Variants in OLFM1 observed in about 807,000 individuals in gnomAD.
OLFM1 encodes noelin.
In OLFM1, 9 loss-of-function variants were observed where a neutral mutation model predicts 49.7. That is an observed-to-expected ratio of 0.18 (90% CI 0.11 to 0.32). The LOEUF is 0.32. Among genes scored for constraint, OLFM1 ranks in the 10% least tolerant of loss-of-function variants. The pLI is 1.00. For synonymous variants in OLFM1, 240 were observed against 271.8 expected (o/e 0.88, Z 1.15); for missense variants, 369 against 661.8 (o/e 0.56, Z 4.85).
At chr9:135,087,224 G>A (rs907849507), upstream of OLFM1, 4 of 1,404,604 alleles carry the variant, frequency 2.8e-6, no homozygotes, top group Non-Finnish European at 2.8e-6. Flanking sequence ...CTGCCTGCTG[G>A]GTTTCAGGCG....
intron 5 of OLFM1, among the ~76,000 whole-genome samples, chr9:135,118,569 C>T (rs1383832652): frequency 4.1e-5 from 6 of 146,920 alleles, no homozygotes; most frequent in African/African-American, 1.5e-4. Context: ...GAAGTGCTCA[C>T]TGGGTCTTTG....
chr9:135,110,819 A>G (rs1469886692), intron 5 of OLFM1, among the ~76,000 whole-genome samples: 11 of 152,188 alleles, frequency 7.2e-5, no homozygotes, highest in Non-Finnish European at 1.6e-4. Context: ...CCAGCGGCCC[A>G]GGCTCCTTGA....
chr9:135,115,294 C>T (rs1831082450), intron 5 of OLFM1, among the ~76,000 whole-genome samples: 1 of 152,210 alleles, frequency 6.6e-6, no homozygotes, highest in South Asian at 2.1e-4. Flanking sequence ...CAGGTTGCAT[C>T]CTTCGGAAGA....
In OLFM1 at chr9:135,120,255, C is replaced by A; in HGVS notation, c.*77C>A. On this transcript the variant is annotated 3_prime_UTR_variant, in exon 6 of 6. Coordinates refer to ENST00000371793, the MANE Select transcript of OLFM1 (RefSeq NM_001282611.2). Reference sequence around the variant, plus strand: ...TGTGAAACTGCTGCCAAAAAGATACCAATAACACTAACAATACCGATCTTG... The same window carrying A: ...TGTGAAACTGCTGCCAAAAAGATACAAATAACACTAACAATACCGATCTTG... 3.3e-6 allele frequency: 4 copies of A among 1,223,064 alleles called. No homozygotes were observed. Among genetic ancestry groups the A allele is most frequent in the Non-Finnish European group, 4.6e-6 (4 of 869,882 alleles). 75.8% of individuals were successfully genotyped at this position (1,223,064 alleles called of 1,614,324 possible).
intron 1 of OLFM1, chr9:135,077,288 T>A: frequency 1.4e-6 from 2 of 1,443,414 alleles, no homozygotes; most frequent in Non-Finnish European, 1.8e-6. Flanking sequence ...AAGAGATGGC[T>A]GATTCTGGGT....
chr9:135,118,873 G>A (rs1294895337), intron 5 of OLFM1, among the ~76,000 whole-genome samples: 7 of 150,104 alleles, frequency 4.7e-5, no homozygotes, highest in African/African-American at 1.5e-4. Flanking sequence ...AGTGCTCACT[G>A]TGTCTTTGGA....
intron 4 of OLFM1, among the ~76,000 whole-genome samples, chr9:135,102,661 C>T (rs1830886790): frequency 6.6e-6 from 1 of 152,176 alleles, no homozygotes; most frequent in African/African-American, 2.4e-5. Flanking sequence ...CAGCATGGTT[C>T]TCAGCTTCTT....
chr9:135,081,420 G>A (rs867822139), intron 1 of OLFM1, among the ~76,000 whole-genome samples: 1 of 152,164 alleles, frequency 6.6e-6, no homozygotes, highest in Non-Finnish European at 1.5e-5. Flanking sequence ...GTGTGGACAC[G>A]TGCACGGCCG....
chr9:135,077,267 A>G lies in OLFM1; in HGVS notation c.96+1465A>G, dbSNP rs1202541950. ...AGGGCTATGCCTGTGTCTTATTGAG[A>G]CACCTTGGCAAAGAGATGGCTGATT... On this transcript the variant is annotated intron_variant, in intron 1 of 5. Coordinates refer to the OLFM1 transcript ENST00000252854. 5 of 1,444,414 alleles carry G rather than the reference A, an allele frequency of 3.5e-6. No individual in the cohort carries two copies. In the Admixed American group the frequency reaches 1.4e-4, roughly 39 times the overall value. The allele number at this position is 1,444,414 out of a possible 1,614,324, so 89.5% of individuals were successfully genotyped here.
rs146781704 is a variant in OLFM1 at position 135,117,316 on chromosome 9, T to G, written c.784-2188T>G. ...GGCTTCTTCAAAGCCCATATTCTTC[T>G]CGGAGAGGCACTTTTGCTGGATTAG... On this transcript the variant is annotated intron_variant, in intron 5 of 5. Transcript: ENST00000371793. This position sits in a 1 kb window ranked among gnomAD's most constrained non-coding sequence, Gnocchi z 5.5. Among the ~76,000 whole-genome samples, 15 of 152,326 alleles carry G rather than the reference T, an allele frequency of 9.8e-5. No individual in the cohort carries two copies. In the East Asian group the frequency reaches 2.5e-3, roughly 25 times the overall value.
chr9:135,083,348 G>C (rs893136887), upstream of OLFM1, among the ~76,000 whole-genome samples: 3 of 152,220 alleles, frequency 2.0e-5, no homozygotes, highest in South Asian at 2.1e-4. Context: ...ATCCATGAAA[G>C]AGGCGTGGAA....
Position 135,100,268 on chromosome 9 carries a change from G to A in OLFM1, c.676+1763G>A, listed in dbSNP as rs76312195. Among the ~76,000 whole-genome samples the A allele has an allele frequency of 4.9e-3, 754 of 152,336 alleles. 7 individuals carry two copies. The highest frequency in any genetic ancestry group is 0.017 in the African/African-American group (715 of 41,578). On this transcript the variant is annotated intron_variant, in intron 4 of 5. Transcript: ENST00000371793. ...ATAGTGAGAAGCCAAGGGCCTTTCT[G>A]AGGGGGCACCACCCCTCCCGGATGA... is the stretch of plus-strand genomic sequence containing the variant.
At chr9:135,092,507 C>T (rs1236646085) in intron 2 of OLFM1, among the ~76,000 whole-genome samples, 1 of 152,206 alleles carries the variant, frequency 6.6e-6, no homozygotes, top group Non-Finnish European at 1.5e-5. Context: ...TTTATTAACA[C>T]CAAACTAGAC....
At chr9:135,085,625 C>T (rs114694094), upstream of OLFM1, among the ~76,000 whole-genome samples, 35 of 152,372 alleles carry the variant, frequency 2.3e-4, 1 homozygote, top group African/African-American at 7.9e-4. Context: ...GTGATGAGCC[C>T]TGGCTTTAAG....
At chr9:135,107,960 C>T (rs1261909958) in intron 5 of OLFM1, among the ~76,000 whole-genome samples, 4 of 152,154 alleles carry the variant, frequency 2.6e-5, no homozygotes, top group Admixed American at 6.5e-5. Flanking sequence ...TGGCACACTC[C>T]TTCCTTCCAG....
rs774587193 is a variant in OLFM1, at chr9:135,105,926, G to A, written c.677-823G>A. 4.6e-5 allele frequency: 7 copies of A among 152,294 alleles called. No homozygotes were observed. In the East Asian group the frequency reaches 5.8e-4, roughly 13 times the overall value. 9.4% of individuals were successfully genotyped at this position (152,294 alleles called of 1,614,324 possible). A position where few individuals can be genotyped will look rare whatever the true frequency, so the allele number is the denominator to read the frequency against. On this transcript the variant is annotated intron_variant, in intron 4 of 5. Transcript: ENST00000371793. ...TGGCTGCGCAGACACACCGGCCTCC[G>A]GGCAGGAGGAGTTCTGTTCCTGTGC...
chr9:135,097,912 A>G (rs1830821752), intron 3 of OLFM1: 13 of 1,534,210 alleles, frequency 8.5e-6, no homozygotes, highest in Admixed American at 8.3e-5. Context: ...ACTTAGCACC[A>G]TTTCACTAAG....
chr9:135,087,307 C>G, upstream of OLFM1: 1 of 1,516,118 alleles, frequency 6.6e-7, no homozygotes, highest in Non-Finnish European at 8.8e-7. Context: ...CGCCGTCTCT[C>G]TGCCGGCAAC....
chr9:135,076,544 A>C lies in OLFM1; in HGVS notation c.96+742A>C. 4.3e-6 allele frequency: 5 copies of C among 1,160,042 alleles called. No homozygotes were observed. The South Asian group carries it at 8.6e-5, about 20-fold the overall frequency. The allele number at this position is 1,160,042 out of a possible 1,614,324, so 71.9% of individuals were successfully genotyped here. ...TATTGGAGCTGGCAGGTCTTGGGGG[A>C]GGAGAAGGGCTGTCTGTGAGCGCCG... is the stretch of plus-strand genomic sequence containing the variant. On this transcript the variant is annotated intron_variant, in intron 1 of 5. Coordinates refer to the OLFM1 transcript ENST00000252854.
Sources: gnomAD v4.1 joint callset for allele counts (sites outside exome capture counted in the v4.1 genomes callset) on GRCh38, gnomAD v4.1.1 for gene constraint, Gnocchi (gnomAD v3.1) non-coding constraint, MANE v1.5 for transcripts, NCBI Gene and HGNC (gene_info 2026-07-23, HGNC 2026-07-21) for gene names.